The following SPAG17 variants were observed in gnomAD, a reference collection of about 807,000 sequenced individuals.
The protein encoded by SPAG17 is sperm associated antigen 17.
SPAG17 carries 169 observed loss-of-function variants against 273.6 expected under a neutral mutation model. The observed-to-expected ratio is 0.62, with a 90% CI of 0.55 to 0.70. SPAG17 has a LOEUF of 0.70. Ranked by LOEUF, SPAG17 falls within the 30% of genes least tolerant of loss-of-function variation. The pLI is 0.00. For synonymous variants in SPAG17, 825 were observed against 873.2 expected (o/e 0.94, Z 0.97); for missense variants, 2,557 against 2,627.8 (o/e 0.97, Z 0.59).
chr1:118,170,537 A>G (rs183803081), intron 1 of SPAG17, among the ~76,000 whole-genome samples: 22 of 152,254 alleles, frequency 1.4e-4, no homozygotes, highest in Non-Finnish European at 2.8e-4. Context: ...AAAGAGAGAG[A>G]TAAGTCATCT....
chr1:118,091,852 G>T, intron 9 of SPAG17, 78 bp downstream of exon 9: 1 of 1,468,420 alleles, frequency 6.8e-7, no homozygotes, highest in Non-Finnish European at 9.5e-7. Flanking sequence ...GAGGCTGAAA[G>T]TAATATGGAG....
intron 30 of SPAG17, among the ~76,000 whole-genome samples, chr1:118,009,675 T>C (rs1019972371): frequency 1.3e-5 from 2 of 152,116 alleles, no homozygotes; most frequent in Non-Finnish European, 2.9e-5. Flanking sequence ...TAGGTTTTAG[T>C]TGCCACCAAT....
chr1:118,042,041 G>T lies in SPAG17; in HGVS notation c.2816C>A (p.Ala939Glu). 1.2e-6 allele frequency: 2 copies of T among 1,602,590 alleles called. No individual in the cohort carries two copies. Among genetic ancestry groups the T allele is most frequent in the African/African-American group, 2.7e-5 (2 of 73,940 alleles). ...IPFILEGSLK[A>E]WKEEQHRLAE... ...TAATCGATGTTGCTCTTCTTTCCAT[G>T]CCTGTAAACACATTTAAGAAATTTA... The change falls in exon 21 of 49, where the codon GCA (alanine) becomes GAA (glutamate). Residue 939 changes from alanine to glutamate, a missense_variant and splice_region_variant. Physicochemically the swap from Ala to Glu is moderately radical, Grantham distance 107 (BLOSUM62 -1). Transcript: ENST00000336338.
Position 118,036,491 on chromosome 1 carries a change from TTA to T in SPAG17, c.3433+277_3433+278del, listed in dbSNP as rs1246043985. On this transcript the variant is annotated intron_variant, in intron 24 of 48. Coordinates refer to ENST00000336338, the MANE Select transcript of SPAG17 (RefSeq NM_206996.4). ...TATATATATAATCACACAAGTAATC[TTA>T]TATGTATAAGTGATTATATAAAAGA... 13 of 189,254 alleles carry T rather than the reference TTA, an allele frequency of 6.9e-5. No homozygotes were observed. The East Asian group carries it at 1.4e-3, about 21-fold the overall frequency. 11.7% of individuals were successfully genotyped at this position (189,254 alleles called of 1,614,324 possible).
chr1:118,041,499 G>T (rs1047299818), intron 21 of SPAG17, among the ~76,000 whole-genome samples: 4 of 151,912 alleles, frequency 2.6e-5, no homozygotes, highest in Non-Finnish European at 5.9e-5. Context: ...GCCAACTTTT[G>T]TGTTCACTTA....
At chr1:118,132,077 C>T (rs1318884282) in intron 3 of SPAG17, among the ~76,000 whole-genome samples, 2 of 152,220 alleles carry the variant, frequency 1.3e-5, no homozygotes, top group East Asian at 3.9e-4. Context: ...AGGACAGTAT[C>T]GCATGCTGTG....
At chr1:118,047,710 G>A (rs1317050011) in intron 20 of SPAG17, among the ~76,000 whole-genome samples, 2 of 152,110 alleles carry the variant, frequency 1.3e-5, no homozygotes, top group African/African-American at 4.8e-5. Flanking sequence ...AACCCAGTCT[G>A]CCTTAATACC....
intron 24 of SPAG17, among the ~76,000 whole-genome samples, chr1:118,033,524 G>A (rs1158821082): frequency 1.3e-5 from 2 of 152,076 alleles, no homozygotes; most frequent in Non-Finnish European, 2.9e-5. Flanking sequence ...CTTCTGCAGC[G>A]TTTTGCTAAC....
At chr1:118,177,146 T>A (rs1276608089) in intron 1 of SPAG17, among the ~76,000 whole-genome samples, 2 of 152,146 alleles carry the variant, frequency 1.3e-5, no homozygotes, top group African/African-American at 4.8e-5. Context: ...AATTCTCATA[T>A]CACTATGAAG....
At chr1:118,142,585 A>T (rs563708845) in intron 3 of SPAG17, among the ~76,000 whole-genome samples, 1 of 152,330 alleles carries the variant, frequency 6.6e-6, no homozygotes, top group African/African-American at 2.4e-5. Context: ...AAATAATAGT[A>T]ATAGTAATAG....
intron 5 of SPAG17, 56 bp downstream of exon 5, chr1:118,101,684 T>A: frequency 6.5e-7 from 1 of 1,534,112 alleles, no homozygotes; most frequent in South Asian, 1.2e-5. Context: ...GGTCTCATTT[T>A]ATTGCCACTG....
intron 3 of SPAG17, among the ~76,000 whole-genome samples, chr1:118,136,816 TG>T (rs1250022351): frequency 1.3e-5 from 2 of 151,868 alleles, no homozygotes; most frequent in Non-Finnish European, 2.9e-5. Flanking sequence ...TGTGTGTGTG[TG>T]TGTGTGTGTG....
At chr1:118,166,382 C>T (rs12028950) in intron 1 of SPAG17, among the ~76,000 whole-genome samples, 8,953 of 152,222 alleles carry the variant, frequency 0.059, 428 homozygotes, top group East Asian at 0.26. Flanking sequence ...GGCTAGAAAA[C>T]TGGCTTAAAG....
At chr1:117,997,569 A>G (rs1657791318) in intron 32 of SPAG17, among the ~76,000 whole-genome samples, 1 of 149,808 alleles carries the variant, frequency 6.7e-6, no homozygotes, top group Non-Finnish European at 1.5e-5. Flanking sequence ...TGAGAAGTAA[A>G]AAAAAAAAAA....
chr1:118,036,741 A>T, intron 24 of SPAG17, 29 bp downstream of exon 24: 1 of 1,482,428 alleles, frequency 6.7e-7, no homozygotes, highest in Non-Finnish European at 9.2e-7. Context: ...TGTGGGGCAC[A>T]CTTATCCTTG....
At chr1:118,035,647 C>A (rs545318377) in intron 24 of SPAG17, among the ~76,000 whole-genome samples, 2 of 152,070 alleles carry the variant, frequency 1.3e-5, no homozygotes, top group East Asian at 3.8e-4. Flanking sequence ...GAAAATTTAT[C>A]TCTGCAAAAA....
At chr1:117,993,792 T>C (rs936782709) in intron 35 of SPAG17, among the ~76,000 whole-genome samples, 1 of 152,216 alleles carries the variant, frequency 6.6e-6, no homozygotes, top group African/African-American at 2.4e-5. Flanking sequence ...GTGACATAAA[T>C]TGCTTGTAAA....
At chr1:118,110,017 T>A (rs1656667219) in intron 4 of SPAG17, among the ~76,000 whole-genome samples, 1 of 152,216 alleles carries the variant, frequency 6.6e-6, no homozygotes, top group Non-Finnish European at 1.5e-5. Context: ...GAACTAGGTC[T>A]AAGTGGCCAT....
At chr1:118,160,756 A>C (rs966069812) in intron 1 of SPAG17, among the ~76,000 whole-genome samples, 1 of 152,222 alleles carries the variant, frequency 6.6e-6, no homozygotes, top group Non-Finnish European at 1.5e-5. Context: ...AATATCCCTA[A>C]TATCTGAAAG....
Sources: allele counts gnomAD v4.1 joint callset (sites outside exome capture counted in the v4.1 genomes callset), GRCh38; gene constraint gnomAD v4.1.1; transcripts MANE v1.5; gene names NCBI Gene and HGNC (gene_info 2026-07-23, HGNC 2026-07-21).